The following FBN3 variants were observed in gnomAD, a reference collection of about 807,000 sequenced individuals.
FBN3 encodes fibrillin-3.
FBN3 carries 234 observed loss-of-function variants against 330.1 expected under a neutral mutation model. That is an observed-to-expected ratio of 0.71 (90% CI 0.64 to 0.79). The LOEUF is 0.79. Among genes scored for constraint, FBN3 ranks in the 30% least tolerant of loss-of-function variants. The pLI is 0.00. For missense variants in FBN3, 3,606 were observed against 3,886.9 expected (o/e 0.93, Z 1.92); for synonymous variants, 1,458 against 1,517.3 (o/e 0.96, Z 0.91).
chr19:8,117,724 C>G, intron 26 of FBN3, 135 bp from the exon 27 acceptor site: 2 of 1,024,262 alleles, frequency 2.0e-6, no homozygotes, highest in Non-Finnish European at 2.8e-6. Context: ...ATGTGCCTAT[C>G]CGTACACTTG....
rs113989627 is a variant in FBN3 at position 8,128,458 on chromosome 19, G to A, written c.2296+570C>T. ...GGACGCCTGTAATCCCAGCTACTTG[G>A]GAGGCTGAGGCAGGAGAATCGCTTG... On this transcript the variant is annotated intron_variant, in intron 18 of 63. Transcript: ENST00000600128. Among the ~76,000 whole-genome samples, 1,254 of 152,110 alleles carry A rather than the reference G, an allele frequency of 8.2e-3. 17 individuals carry two copies. Among genetic ancestry groups the A allele is most frequent in the African/African-American group, 0.029 (1,191 of 41,480 alleles).
At chr19:8,077,652 G>T (rs960463963) in intron 59 of FBN3, among the ~76,000 whole-genome samples, 1 of 150,572 alleles carries the variant, frequency 6.6e-6, no homozygotes, top group Non-Finnish European at 1.5e-5. Flanking sequence ...AAACAAAAAC[G>T]AGCAAACAAA....
At chr19:8,088,208 C>T in intron 51 of FBN3, 29 bp from the exon 52 acceptor site, 1 of 1,560,392 alleles carries the variant, frequency 6.4e-7, no homozygotes. Flanking sequence ...GTGGTCAGCA[C>T]CTGCAGAGGG....
chr19:8,132,923 C>T lies in FBN3; in HGVS notation c.1714+61G>A, dbSNP rs1599422670. 13 of 1,482,312 alleles carry T rather than the reference C, an allele frequency of 8.8e-6. No homozygotes were observed. In the East Asian group the frequency reaches 1.8e-4, roughly 20 times the overall value. The allele number at this position is 1,482,312 out of a possible 1,614,324, so 91.8% of individuals were successfully genotyped here. A position where few individuals can be genotyped will look rare whatever the true frequency, so the allele number is the denominator to read the frequency against. ...GTCCGGTCCCTCTCCTCTTCCTCGCCGTCCCTCTGCTTCCCCATCTCCCTT... is the reference window on the plus strand; with the variant it reads ...GTCCGGTCCCTCTCCTCTTCCTCGCTGTCCCTCTGCTTCCCCATCTCCCTT... On this transcript the variant is annotated intron_variant, in intron 14 of 63. Transcript: ENST00000600128.
intron 57 of FBN3, among the ~76,000 whole-genome samples, chr19:8,082,301 CTT>C (rs1568364804): frequency 2.4e-5 from 3 of 126,884 alleles, no homozygotes; most frequent in Non-Finnish European, 5.2e-5. Context: ...CCCTTTCTCT[CTT>C]TCTCCCTTTC....
At position 8,116,800 on chromosome 19, in the gene FBN3, C is replaced by T; in HGVS notation, c.3587-1G>A. 1 of 1,613,616 alleles carries T rather than the reference C, an allele frequency of 6.2e-7. No individual in the cohort carries two copies. The highest frequency in any genetic ancestry group is 8.5e-7 in the Non-Finnish European group (1 of 1,179,726). ...GGGTTCTCTTCACACTCGTCCACGT[C>T]TGGGGGAGCAGGGTTGGGGACTGTG... On this transcript the variant is annotated splice_acceptor_variant, in intron 28 of 63. Coordinates refer to ENST00000600128, the MANE Select transcript of FBN3 (RefSeq NM_032447.5). LOFTEE classifies it high-confidence loss of function.
intron 30 of FBN3, among the ~76,000 whole-genome samples, chr19:8,113,608 G>T (rs950570080): frequency 2.0e-5 from 3 of 151,976 alleles, no homozygotes; most frequent in African/African-American, 7.3e-5. Context: ...CTGAGGCTGG[G>T]AGGATTGCTT....
At chr19:8,097,174 A>G (rs1568389114) in intron 42 of FBN3, 115 bp downstream of exon 42, 1 of 1,474,020 alleles carries the variant, frequency 6.8e-7, no homozygotes, top group East Asian at 2.4e-5. Flanking sequence ...GTGTTAGCCC[A>G]TTATACATAC....
At chr19:8,138,072 G>C in intron 10 of FBN3, 69 bp downstream of exon 10, 1 of 1,467,518 alleles carries the variant, frequency 6.8e-7, no homozygotes, top group East Asian at 2.4e-5. Flanking sequence ...CCCCTGTTTG[G>C]AGCTCTCTCC....
chr19:8,118,985 C>T lies in FBN3; in HGVS notation c.3249G>A (p.Arg1083=). 6.2e-7 allele frequency: 1 copy of T among 1,610,452 alleles called. No individual in the cohort carries two copies. Among genetic ancestry groups the T allele is most frequent in the Non-Finnish European group, 8.5e-7 (1 of 1,177,016 alleles). Residue 1083 remains arginine (R), a synonymous_variant, in exon 26 of 64, where the codon CGG becomes CGA. Coordinates refer to ENST00000600128, the MANE Select transcript of FBN3 (RefSeq NM_032447.5). ...DECARDPLLC[R]GGTCTNTDGS... ...CATCCGTGTTGGTGCAAGTGCCTCC[C>T]CGGCAGAGCAGCGGGTCCCTTGCAC...
In FBN3 at chr19:8,066,134, A is replaced by G. The variant is rs2081384955; in HGVS notation, c.8215T>C (p.Tyr2739His). 3.1e-6 allele frequency: 5 copies of G among 1,613,518 alleles called. No individual in the cohort carries two copies. The highest frequency in any genetic ancestry group is 1.3e-5 in the African/African-American group (1 of 75,066). Reference protein sequence around the residue: ...ALEGLEGRIRYVIVRGNEQGF... With the variant: ...ALEGLEGRIRHVIVRGNEQGF... ...TGCTCGTTTCCGCGGACGATGACGT[A>G]GCGGATCCGGCCCTCTAGACCCTCC... is the stretch of plus-strand genomic sequence containing the variant. Residue 2739 changes from tyrosine (Y) to histidine (H), a missense_variant, in exon 64 of 64, where the codon TAC becomes CAC. By Grantham distance (83) the Tyr-to-His change is moderately conservative. Coordinates refer to ENST00000600128, the MANE Select transcript of FBN3 (RefSeq NM_032447.5).
intron 16 of FBN3, among the ~76,000 whole-genome samples, chr19:8,130,515 A>AAAAG (rs1378483544): frequency 2.2e-5 from 3 of 135,894 alleles, no homozygotes; most frequent in Admixed American, 8.0e-5. Flanking sequence ...TGTCAAAAAA[A>AAAAG]AAAGAAAGAA....
intron 1 of FBN3, among the ~76,000 whole-genome samples, chr19:8,148,440 A>G (rs1280928631): frequency 1.3e-5 from 2 of 151,680 alleles, no homozygotes; most frequent in Admixed American, 1.3e-4. Context: ...CCATCACACC[A>G]TGAGTGAGGG....
intron 14 of FBN3, among the ~76,000 whole-genome samples, chr19:8,132,743 C>T (rs2083177941): frequency 2.6e-5 from 4 of 152,188 alleles, no homozygotes; most frequent in Non-Finnish European, 4.4e-5. Flanking sequence ...CCATCTGCCT[C>T]GGCCTCCCAA....
rs1256844278 is a variant in FBN3 at position 8,097,557 on chromosome 19, A to G, written c.5162-143T>C. 1.2e-5 allele frequency: 9 copies of G among 759,248 alleles called. No individual in the cohort carries two copies. In the East Asian group the frequency reaches 2.3e-4, roughly 19 times the overall value. 47.0% of individuals were successfully genotyped at this position (759,248 alleles called of 1,614,324 possible). ...ACACACTCAAGAAAATCTTGCTGTG[A>G]CCAAAATACATCCGCTCACACCAGA... On this transcript the variant is annotated intron_variant, in intron 41 of 63. Transcript: ENST00000600128.
chr19:8,135,935 TG>T, intron 13 of FBN3, 25 bp downstream of exon 13: 1 of 1,344,156 alleles, frequency 7.4e-7, no homozygotes, highest in South Asian at 1.3e-5. Flanking sequence ...CGGAAGCCCC[TG>T]CCCACCCGCC....
intron 6 of FBN3, among the ~76,000 whole-genome samples, chr19:8,143,492 CTTTTCTTTTT>C (rs978017209): frequency 2.4e-5 from 3 of 122,790 alleles, no homozygotes; most frequent in Admixed American, 9.0e-5. Context: ...TTTTTCTTTT[CTTTTCTTTTT>C]TTTTTTTTTT....
intron 57 of FBN3, among the ~76,000 whole-genome samples, chr19:8,082,680 G>T (rs911640712): frequency 3.5e-4 from 54 of 152,172 alleles, no homozygotes; most frequent in African/African-American, 1.2e-3. Context: ...TTTTAGCAGA[G>T]ATGGGGTTTC....
Position 8,129,362 on chromosome 19 carries a change from A to T in FBN3, c.2048T>A (p.Ile683Asn). The T allele has an allele frequency of 6.2e-7, 1 of 1,613,940 alleles. No homozygotes were observed. The highest frequency in any genetic ancestry group is 1.7e-5 in the Admixed American group (1 of 59,996). Reference protein sequence around the residue: ...GLGITTDGRDINECALDPEVC... With the variant: ...GLGITTDGRDNNECALDPEVC... ...CTCAGGATCCAGAGCACACTCGTTG[A>T]TGTCTGCGGCAGGAGGAGGGTGTGT... Residue 683 changes from isoleucine to asparagine, a missense_variant, in exon 17 of 64, where the codon ATC becomes AAC. By Grantham distance (149) the Ile-to-Asn change is moderately radical (BLOSUM62 -3). Coordinates refer to ENST00000600128, the MANE Select transcript of FBN3 (RefSeq NM_032447.5). The surrounding 1 kb of genome is among the most constrained non-coding windows in gnomAD (Gnocchi z 4.5).
Sources: allele counts gnomAD v4.1 joint callset (sites outside exome capture counted in the v4.1 genomes callset), GRCh38; gene constraint gnomAD v4.1.1; non-coding constraint Gnocchi (gnomAD v3.1); transcripts MANE v1.5; gene names NCBI Gene and HGNC (gene_info 2026-07-23, HGNC 2026-07-21).